Variants in HAPLN3 observed in about 807,000 individuals in gnomAD.
HAPLN3 encodes the protein hyaluronan and proteoglycan link protein 3, also known as extracellular link domain containing, 1.
Under a neutral mutation model 28.1 loss-of-function variants are expected in HAPLN3, and 28 were observed. That is an observed-to-expected ratio of 1.00 (90% CI 0.74 to 1.37). The LOEUF (loss-of-function observed/expected upper bound fraction) is 1.37. Among genes scored for constraint, HAPLN3 ranks in the 40% most tolerant of loss-of-function variants. The pLI, the probability that HAPLN3 is intolerant of heterozygous loss-of-function variation, is 0.00. For synonymous variants in HAPLN3, 211 were observed against 213.1 expected, an observed-to-expected ratio of 0.99 and a Z score of 0.09; for missense variants, 513 against 504.6, an observed-to-expected ratio of 1.02 and a Z score of -0.16.
At chr15:88,878,353 C>T in intron 4 of HAPLN3, 97 bp from the exon 5 acceptor site, 2 of 1,148,366 alleles carry the variant, frequency 1.7e-6, no homozygotes, top group Non-Finnish European at 2.5e-6. Flanking sequence ...CCCGTCTGAG[C>T]CCAGGGAGCT....
rs558259733 is a variant in HAPLN3, at chr15:88,888,451, G to A, written c.-47-1106C>T. On this transcript the variant is annotated intron_variant, in intron 1 of 4. Transcript: ENST00000359595. The surrounding 1 kb of genome is among the most constrained non-coding windows in gnomAD (Gnocchi z 4.1). Reference sequence around the variant, plus strand: ...GGGAGCTATTCCAGTTTGGGTGGGCGCTCAAAAGAGGTAGCCAACCCATGG... The same window carrying A: ...GGGAGCTATTCCAGTTTGGGTGGGCACTCAAAAGAGGTAGCCAACCCATGG... 7.2e-5 allele frequency among the ~76,000 whole-genome samples: 11 copies of A among 152,120 alleles called. No individual in the cohort carries two copies. The highest frequency in any genetic ancestry group is 2.2e-4 in the African/African-American group (9 of 41,500).
At chr15:88,886,889 G>C (rs1230062378) in intron 2 of HAPLN3, among the ~76,000 whole-genome samples, 1 of 152,204 alleles carries the variant, frequency 6.6e-6, no homozygotes, top group African/African-American at 2.4e-5. Context: ...TTCCACTGGG[G>C]GGACCAGGGG....
Position 88,878,156 on chromosome 15 carries a change from G to A in HAPLN3, c.897C>T (p.Leu299=), listed in dbSNP as rs551454219. The change falls in exon 5 of 5, where the codon CTC becomes CTT. Residue 299 remains leucine (L), a synonymous_variant. Transcript: ENST00000359595. ...DDATIAKVGQ[L]FAAWKFHGLD... is the part of the protein sequence containing the mutation. ...GGCCATGGAACTTCCAGGCGGCAAA[G>A]AGCTGTCCCACCTTGGCGATCGTGG... 3.1e-6 allele frequency: 5 copies of A among 1,614,064 alleles called. No individual in the cohort carries two copies. In the East Asian group the frequency reaches 8.9e-5, roughly 29 times the overall value.
Position 88,877,976 on chromosome 15 carries a change from C to T in HAPLN3, c.1077G>A (p.Gln359=). 6.3e-7 allele frequency: 1 copy of T among 1,598,336 alleles called. No homozygotes were observed. The highest frequency in any genetic ancestry group is 1.3e-5 in the African/African-American group (1 of 74,532). ...CAGGGGAGGGCCCCAGGTCCTAGTG[C>T]TGGCGGTAGCAGTAAACACCGTACA... The part of the protein sequence containing the change: ...SRLYGVYCYR[Q]H The change falls in exon 5 of 5, where the codon CAG becomes CAA. Residue 359 remains glutamine, a synonymous_variant. Transcript: ENST00000359595. This position sits in a 1 kb window ranked among gnomAD's most constrained non-coding sequence, Gnocchi z 5.1.
rs1897938081 is a variant in HAPLN3 at position 88,888,950 on chromosome 15, C to T, written c.-47-1605G>A. Among the ~76,000 whole-genome samples, 1 of 152,234 alleles carries T rather than the reference C, an allele frequency of 6.6e-6. No individual in the cohort carries two copies. The highest frequency in any genetic ancestry group is 1.5e-5 in the Non-Finnish European group (1 of 68,050). On this transcript the variant is annotated intron_variant, in intron 1 of 4. Coordinates refer to ENST00000359595, the MANE Select transcript of HAPLN3 (RefSeq NM_178232.4). This position sits in a 1 kb window ranked among gnomAD's most constrained non-coding sequence, Gnocchi z 4.1. The stretch of plus-strand genomic sequence containing the variant: ...ACACCCACCAGGTCCATCGTCTGTC[C>T]TTCTCTGACACGTATTGGTCCCTGT...
intron 2 of HAPLN3, among the ~76,000 whole-genome samples, chr15:88,886,937 A>G (rs2141668281): frequency 6.6e-6 from 1 of 152,352 alleles, no homozygotes; most frequent in East Asian, 1.9e-4. Context: ...AACTGGCAAG[A>G]CTTTTAGGGA....
Position 88,881,039 on chromosome 15 carries a change from C to A in HAPLN3, c.493+318G>T. 1 of 386,184 alleles carries A rather than the reference C, an allele frequency of 2.6e-6. No individual in the cohort carries two copies. The highest frequency in any genetic ancestry group is 3.1e-5 in the South Asian group (1 of 31,880). The allele number at this position is 386,184 out of a possible 1,614,324, so 23.9% of individuals were successfully genotyped here. On this transcript the variant is annotated intron_variant, in intron 3 of 4. Transcript: ENST00000359595. This position sits in a 1 kb window ranked among gnomAD's most constrained non-coding sequence, Gnocchi z 6.0. ...CTCTGTCTCTAATAAGCTGTGGGAC[C>A]AGCTCTGGTTTTCCTCTCTCTGAAT...
chr15:88,879,092 T>C lies in HAPLN3; in HGVS notation c.671A>G (p.Tyr224Cys). The C allele has an allele frequency of 6.2e-7, 1 of 1,611,270 alleles. No homozygotes were observed. Among genetic ancestry groups the C allele is most frequent in the Non-Finnish European group, 8.5e-7 (1 of 1,178,956 alleles). ...GGGCTGCCGGGGCAACATGATGGGG[T>C]ACTGCACCGTGGCATCCTGCAGCCA... ...AGWLQDATVQ[Y>C]PIMLPRQPCG... Residue 224 changes from tyrosine (Y) to cysteine (C), a missense_variant, in exon 4 of 5, where the codon TAC becomes TGC. Transcript: ENST00000359595. The surrounding 1 kb of genome is among the most constrained non-coding windows in gnomAD (Gnocchi z 5.0).
intron 1 of HAPLN3, among the ~76,000 whole-genome samples, chr15:88,889,578 C>T (rs539992494): frequency 2.6e-5 from 4 of 152,242 alleles, no homozygotes; most frequent in East Asian, 3.9e-4. Context: ...TCGAGTGATC[C>T]GCCCACCTCG....
intron 2 of HAPLN3, among the ~76,000 whole-genome samples, chr15:88,884,365 C>T (rs1226903612): frequency 1.3e-5 from 2 of 152,140 alleles, no homozygotes; most frequent in East Asian, 3.9e-4. Flanking sequence ...GAGATCGAGA[C>T]CATCCTGGCT....
intron 1 of HAPLN3, among the ~76,000 whole-genome samples, chr15:88,889,126 G>A (rs1403294763): frequency 6.6e-6 from 1 of 152,170 alleles, no homozygotes. Context: ...AGTGTCTGCT[G>A]CTGCTGCTGG....
At position 88,878,103 on chromosome 15, in the gene HAPLN3, G is replaced by A. The variant is rs140132740; in HGVS notation, c.950C>T (p.Ala317Val). The A allele has an allele frequency of 2.5e-6, 4 of 1,613,190 alleles. No homozygotes were observed. The highest frequency in any genetic ancestry group is 3.4e-6 in the Non-Finnish European group (4 of 1,179,320). ...GLDRCDAGWL[A>V]DGSVRYPVVH... Reference sequence around the variant, plus strand: ...CACAGGGTAGCGGACGCTACCATCTGCCAGCCAGCCAGCGTCGCAGCGGTC... The same window carrying A: ...CACAGGGTAGCGGACGCTACCATCTACCAGCCAGCCAGCGTCGCAGCGGTC... Residue 317 changes from alanine to valine, a missense_variant, in exon 5 of 5, where the codon GCA becomes GTA. Transcript: ENST00000359595.
At chr15:88,878,865 A>G in intron 4 of HAPLN3, 102 bp downstream of exon 4, 3 of 1,280,138 alleles carry the variant, frequency 2.3e-6, no homozygotes, top group South Asian at 1.6e-5. Context: ...TGGCAGTACC[A>G]GCAGAGCCAG....
At chr15:88,894,916 C>T (rs910357084) in intron 1 of HAPLN3, among the ~76,000 whole-genome samples, 6 of 152,246 alleles carry the variant, frequency 3.9e-5, no homozygotes, top group Admixed American at 6.5e-5. Context: ...AGGTCTGGAA[C>T]CCATAGGCAT....
intron 1 of HAPLN3, among the ~76,000 whole-genome samples, chr15:88,893,298 A>C (rs1302938209): frequency 6.6e-6 from 1 of 151,936 alleles, no homozygotes; most frequent in African/African-American, 2.4e-5. Flanking sequence ...GATGCCTGTA[A>C]TCCCAGCTAC....
rs1266160405 is a variant in HAPLN3, at chr15:88,888,074, T to C, written c.-47-729A>G. ...ATATCAGGGTGAATAGAGGGTATGT[T>C]AAGTAAAGATGAGTCCTGCATTGTG... On this transcript the variant is annotated intron_variant, in intron 1 of 4. Coordinates refer to ENST00000359595, the MANE Select transcript of HAPLN3 (RefSeq NM_178232.4). This position sits in a 1 kb window ranked among gnomAD's most constrained non-coding sequence, Gnocchi z 4.1. Among the ~76,000 whole-genome samples, 2 of 151,156 alleles carry C rather than the reference T, an allele frequency of 1.3e-5. No homozygotes were observed. The highest frequency in any genetic ancestry group is 4.9e-5 in the African/African-American group (2 of 41,130).
chr15:88,878,324 G>A, intron 4 of HAPLN3, 68 bp from the exon 5 acceptor site: 1 of 1,437,372 alleles, frequency 7.0e-7, no homozygotes, highest in Non-Finnish European at 9.5e-7. Flanking sequence ...GGGGTCTGCA[G>A]AGATGCCAGC....
rs147723802 is a variant in HAPLN3 at position 88,881,478 on chromosome 15, G to C, written c.372C>G (p.Asp124Glu). The C allele has an allele frequency of 5.9e-5, 95 of 1,614,044 alleles. No individual in the cohort carries two copies. The African/African-American group carries it at 7.6e-4, about 13-fold the overall frequency. Residue 124 changes from aspartate to glutamate, a missense_variant, in exon 3 of 5, where the codon GAC becomes GAG. Physicochemically the swap from Asp to Glu is conservative, Grantham distance 45. Coordinates refer to ENST00000359595, the MANE Select transcript of HAPLN3 (RefSeq NM_178232.4). The surrounding 1 kb of genome is among the most constrained non-coding windows in gnomAD (Gnocchi z 6.0). The stretch of plus-strand genomic sequence containing the variant: ...TCTCCAGCGAGACGTCATGCTCTTT[G>C]TCCTGCCGCAGGTGCACGCGGCCTT... The part of the protein sequence containing the change: ...DYQGRVHLRQ[D>E]KEHDVSLEIQ...
rs2141670561 is a variant in HAPLN3 at position 88,888,149 on chromosome 15, TGGAGTGGAG to T, written c.-47-813_-47-805del. On this transcript the variant is annotated intron_variant, in intron 1 of 4. Transcript: ENST00000359595. The surrounding 1 kb of genome is among the most constrained non-coding windows in gnomAD (Gnocchi z 4.1). ...CAGAGTCTCGCTCTGTCGCCCAGGC[TGGAGTGGAG>T]GTTGCTCACTGCAACCTCCGCCTCC... is the stretch of plus-strand genomic sequence containing the variant. Among the ~76,000 whole-genome samples, 1 of 150,008 alleles carries T rather than the reference TGGAGTGGAG, an allele frequency of 6.7e-6. No homozygotes were observed. Among genetic ancestry groups the T allele is most frequent in the African/African-American group, 2.5e-5 (1 of 40,526 alleles).
Sources: allele counts gnomAD v4.1 joint callset (sites outside exome capture counted in the v4.1 genomes callset), GRCh38; gene constraint gnomAD v4.1.1; non-coding constraint Gnocchi (gnomAD v3.1); transcripts MANE v1.5; gene names NCBI Gene and HGNC (gene_info 2026-07-23, HGNC 2026-07-21).